The following PDE9A variants were observed in gnomAD, a reference collection of about 807,000 sequenced individuals.
The protein encoded by PDE9A is high affinity cGMP-specific 3',5'-cyclic phosphodiesterase 9A.
PDE9A carries 60 observed loss-of-function variants against 87.4 expected under a neutral mutation model. That is an observed-to-expected ratio of 0.69 (90% CI 0.56 to 0.85). PDE9A has a LOEUF of 0.85. Among genes scored for constraint, PDE9A ranks in the 40% least tolerant of loss-of-function variants. The pLI, the probability that PDE9A is intolerant of heterozygous loss-of-function variation, is 0.00. For missense variants in PDE9A, 665 were observed against 779.0 expected (o/e 0.85, Z 1.74); for synonymous variants, 272 against 279.4 (o/e 0.97, Z 0.27).
At chr21:42,688,919 A>G (rs2059629508) in intron 3 of PDE9A, among the ~76,000 whole-genome samples, 1 of 152,194 alleles carries the variant, frequency 6.6e-6, no homozygotes, top group Non-Finnish European at 1.5e-5. Flanking sequence ...CGTCCCCCTC[A>G]GTGAGGCCCC....
At chr21:42,688,546 C>T (rs935343929) in intron 3 of PDE9A, among the ~76,000 whole-genome samples, 10 of 152,148 alleles carry the variant, frequency 6.6e-5, no homozygotes, top group East Asian at 3.9e-4. Context: ...AGGAAGGACG[C>T]GGAGCAGGGG....
intron 1 of PDE9A, among the ~76,000 whole-genome samples, chr21:42,658,127 C>A (rs999013108): frequency 9.9e-5 from 15 of 152,176 alleles, no homozygotes; most frequent in Admixed American, 9.8e-4. Flanking sequence ...GGCTCCGTGC[C>A]CTGGGCAGCT....
intron 4 of PDE9A, among the ~76,000 whole-genome samples, chr21:42,703,046 T>G (rs1333051460): frequency 6.6e-6 from 1 of 151,918 alleles, no homozygotes; most frequent in African/African-American, 2.4e-5. Context: ...TAGGCCGGGG[T>G]GGGGGCCATG....
intron 4 of PDE9A, among the ~76,000 whole-genome samples, chr21:42,728,267 G>T (rs935946147): frequency 3.3e-5 from 5 of 152,292 alleles, no homozygotes; most frequent in African/African-American, 1.2e-4. Context: ...TGGCATCCTT[G>T]TGGGGAGTCC....
chr21:42,744,763 C>T (rs2053667642), intron 8 of PDE9A, among the ~76,000 whole-genome samples: 1 of 152,206 alleles, frequency 6.6e-6, no homozygotes, highest in Non-Finnish European at 1.5e-5. Flanking sequence ...GGTCAGGACA[C>T]GTGTGGATGA....
At chr21:42,706,211 T>C (rs8133010) in intron 4 of PDE9A, among the ~76,000 whole-genome samples, 47,069 of 152,162 alleles carry the variant, frequency 0.31, 7,510 homozygotes, top group East Asian at 0.52. Flanking sequence ...CAGATGCAGA[T>C]GCGCTGTAAC....
chr21:42,767,899 G>A (rs567917307), intron 15 of PDE9A, among the ~76,000 whole-genome samples: 3 of 152,330 alleles, frequency 2.0e-5, no homozygotes, highest in African/African-American at 4.8e-5. Flanking sequence ...CACCCACCTA[G>A]GGAACAGCAG....
chr21:42,673,421 CTG>C (rs776994442), intron 1 of PDE9A, among the ~76,000 whole-genome samples: 43 of 152,236 alleles, frequency 2.8e-4, no homozygotes, highest in Non-Finnish European at 8.8e-5. Context: ...CGCTGATTGA[CTG>C]TTCTCACTTC....
chr21:42,707,503 A>C (rs897424592), intron 4 of PDE9A, among the ~76,000 whole-genome samples: 16 of 152,188 alleles, frequency 1.1e-4, no homozygotes, highest in Admixed American at 9.8e-4. Context: ...GCTCAAAGGG[A>C]GCTCAGAGCG....
rs768188682 is a variant in PDE9A at position 42,731,779 on chromosome 21, A to G, written c.272A>G (p.Glu91Gly). The change falls in exon 5 of 20, where the codon GAG (glutamate) becomes GGG (glycine). Residue 91 changes from glutamate to glycine, a missense_variant. Coordinates refer to ENST00000291539, the MANE Select transcript of PDE9A (RefSeq NM_002606.3). ...VAIKQLSAGV[E>G]DKRTTSRGQS... The stretch of plus-strand genomic sequence containing the variant: ...TGCCTGCTTTTTATAGCTGGTGTCG[A>G]GGACAAGAGAACCACAAGCCGTGGC... 4 of 1,612,180 alleles carry G rather than the reference A, an allele frequency of 2.5e-6. No individual in the cohort carries two copies. Among genetic ancestry groups the G allele is most frequent in the Non-Finnish European group, 3.4e-6 (4 of 1,179,374 alleles).
intron 18 of PDE9A, among the ~76,000 whole-genome samples, chr21:42,771,193 G>A (rs2056994746): frequency 6.6e-6 from 1 of 152,196 alleles, no homozygotes; most frequent in Non-Finnish European, 1.5e-5. Context: ...AGGCCATGGG[G>A]TAGAAAGGGG....
rs955055479 is a variant in PDE9A at position 42,760,244 on chromosome 21, C to T, written c.898-84C>T. 4.7e-5 allele frequency: 37 copies of T among 780,646 alleles called. No individual in the cohort carries two copies. Among genetic ancestry groups the T allele is most frequent in the Middle Eastern group, 4.4e-4 (2 of 4,502 alleles). 48.4% of individuals were successfully genotyped at this position (780,646 alleles called of 1,614,324 possible). A position where few individuals can be genotyped will look rare whatever the true frequency, so the allele number is the denominator to read the frequency against. ...AGGGTTTGGCAGAGAATGTTCAAAC[C>T]AGCGCACAGCCTTCTGGGTGGCTTT... On this transcript the variant is annotated intron_variant, in intron 11 of 19. Coordinates refer to ENST00000291539, the MANE Select transcript of PDE9A (RefSeq NM_002606.3). This position sits in a 1 kb window ranked among gnomAD's most constrained non-coding sequence, Gnocchi z 5.2.
chr21:42,700,596 T>G (rs1173193937), intron 4 of PDE9A: 1 of 152,206 alleles, frequency 6.6e-6, no homozygotes, highest in Non-Finnish European at 1.5e-5. Flanking sequence ...GCAGAGTTAC[T>G]GTTGATCTCC....
chr21:42,697,570 G>T, intron 3 of PDE9A: 1 of 900,172 alleles, frequency 1.1e-6, no homozygotes, highest in Non-Finnish European at 1.9e-6. Flanking sequence ...AACTTAAACA[G>T]CTAGACATTG....
intron 1 of PDE9A, among the ~76,000 whole-genome samples, chr21:42,685,163 G>C (rs889916750): frequency 6.6e-6 from 1 of 152,200 alleles, no homozygotes; most frequent in African/African-American, 2.4e-5. Context: ...CCCGTTCCGC[G>C]CTCTGTCCAG....
At chr21:42,732,270 C>T (rs1475212183) in intron 6 of PDE9A, 146 bp downstream of exon 6, 1 of 722,374 alleles carries the variant, frequency 1.4e-6, no homozygotes, top group East Asian at 2.7e-5. Context: ...ACGGTGGAAG[C>T]CTTCTGTGGC....
intron 3 of PDE9A, among the ~76,000 whole-genome samples, chr21:42,688,200 T>A (rs1157436985): frequency 6.6e-6 from 1 of 152,222 alleles, no homozygotes; most frequent in South Asian, 2.1e-4. Context: ...AAGATAACAA[T>A]TGCAGCCGTG....
intron 4 of PDE9A, among the ~76,000 whole-genome samples, chr21:42,706,643 C>CA (rs71332369): frequency 0.044 from 6,311 of 144,244 alleles, 425 homozygotes; most frequent in African/African-American, 0.15. Context: ...GACTCTATCT[C>CA]AAAAAAAAAA....
chr21:42,714,556 T>C (rs941340103), intron 4 of PDE9A, among the ~76,000 whole-genome samples: 1 of 149,112 alleles, frequency 6.7e-6, no homozygotes, highest in Admixed American at 6.6e-5. Context: ...TTTGTCGATA[T>C]GGTTGGGGTT....
Sources: gnomAD v4.1 joint callset for allele counts (sites outside exome capture counted in the v4.1 genomes callset) on GRCh38, gnomAD v4.1.1 for gene constraint, Gnocchi (gnomAD v3.1) non-coding constraint, MANE v1.5 for transcripts, NCBI Gene and HGNC (gene_info 2026-07-23, HGNC 2026-07-21) for gene names.